Variants in ACACA observed in about 807,000 individuals in gnomAD.
ACACA encodes acetyl-CoA carboxylase alpha.
Under a neutral mutation model 296.1 loss-of-function variants are expected in ACACA, and 103 were observed. The ratio of observed to expected loss-of-function variants is 0.35; its 90% confidence interval spans 0.30 to 0.41. ACACA has a LOEUF of 0.41. Among genes scored for constraint, ACACA ranks in the 10% least tolerant of loss-of-function variants. The probability of loss-of-function intolerance (pLI) is 1.00; values close to 1 mark genes in which losing one functional copy is unlikely to be tolerated. For missense variants in ACACA, 1,554 were observed against 2,989.7 expected, an observed-to-expected ratio of 0.52 and a Z score of 11.20; for synonymous variants, 953 against 1,038.6, an observed-to-expected ratio of 0.92 and a Z score of 1.58.
chr17:37,091,036 A>G (rs1158877776), intron 54 of ACACA, among the ~76,000 whole-genome samples: 1 of 152,226 alleles, frequency 6.6e-6, no homozygotes, highest in Non-Finnish European at 1.5e-5. Flanking sequence ...CTTTTAATTA[A>G]GAAACAGCAT....
At chr17:37,174,010 A>ATTT (rs1373844954) in intron 41 of ACACA, among the ~76,000 whole-genome samples, 1 of 12,194 alleles carries the variant, frequency 8.2e-5, no homozygotes, top group Non-Finnish European at 1.3e-4. Context: ...ATATATATAT[A>ATTT]TATATATATA....
At position 37,330,146 on chromosome 17, in the gene ACACA, T is replaced by G. The variant is rs201910263; in HGVS notation, c.338+27A>C. 9.9e-6 allele frequency: 16 copies of G among 1,613,542 alleles called. No individual in the cohort carries two copies. In the Admixed American group the frequency reaches 2.7e-4, roughly 27 times the overall value. On this transcript the variant is annotated intron_variant, in intron 3 of 55. Transcript: ENST00000616317. ...AGCAAAACTAACAAGACAGATTAAA[T>G]AAGTAGACCATTGAACTCTCTCTTA...
chr17:37,224,384 T>C (rs1049898168), intron 27 of ACACA, among the ~76,000 whole-genome samples: 2 of 152,156 alleles, frequency 1.3e-5, no homozygotes, highest in Non-Finnish European at 2.9e-5. Context: ...GGGCCAGATA[T>C]AACAATGGTA....
chr17:37,374,697 G>A (rs750531159), intron 1 of ACACA, among the ~76,000 whole-genome samples: 53 of 152,186 alleles, frequency 3.5e-4, no homozygotes, highest in Admixed American at 1.0e-3. Flanking sequence ...ACAGTTATCT[G>A]TCTAGGAAAA....
At chr17:37,263,659 T>TA in intron 11 of ACACA, 26 bp downstream of exon 11, 1 of 1,593,092 alleles carries the variant, frequency 6.3e-7, no homozygotes, top group African/African-American at 1.3e-5. Flanking sequence ...TAAGAAAACA[T>TA]AAAGTAAGCC....
intron 1 of ACACA, among the ~76,000 whole-genome samples, chr17:37,366,443 T>C (rs904612568): frequency 6.6e-6 from 1 of 151,896 alleles, no homozygotes; most frequent in Admixed American, 6.6e-5. Context: ...TGTGATATCT[T>C]AGAGCAGAAG....
At chr17:37,211,111 T>C (rs549811507) in intron 29 of ACACA, among the ~76,000 whole-genome samples, 17 of 152,308 alleles carry the variant, frequency 1.1e-4, no homozygotes, top group African/African-American at 3.8e-4. Context: ...AGGTACTGTA[T>C]TCTAGGAGCT....
At chr17:37,230,339 G>A (rs940265578) in intron 25 of ACACA, among the ~76,000 whole-genome samples, 7 of 151,382 alleles carry the variant, frequency 4.6e-5, no homozygotes, top group Middle Eastern at 3.4e-3. Context: ...AGCCAAGATC[G>A]CGCCGTTGCA....
chr17:37,243,253 T>C, intron 22 of ACACA, 118 bp downstream of exon 22: 1 of 1,109,498 alleles, frequency 9.0e-7, no homozygotes, highest in Non-Finnish European at 1.3e-6. Flanking sequence ...AATACAATGC[T>C]TAAAAGTATA....
chr17:37,146,540 G>A (rs1438568660), intron 45 of ACACA, among the ~76,000 whole-genome samples: 1 of 151,874 alleles, frequency 6.6e-6, no homozygotes, highest in Non-Finnish European at 1.5e-5. Context: ...AATCATCCCT[G>A]TGTCCTTCTC....
Position 37,191,262 on chromosome 17 carries a change from T to C in ACACA, c.4430A>G (p.Glu1477Gly). 5 of 1,613,978 alleles carry C rather than the reference T, an allele frequency of 3.1e-6. No individual in the cohort carries two copies. Among genetic ancestry groups the C allele is most frequent in the Non-Finnish European group, 4.2e-6 (5 of 1,179,968 alleles). Reference protein sequence around the residue: ...SDLVTKEASFEYLQNEGERLL... With the variant: ...SDLVTKEASFGYLQNEGERLL... ...CCGCTCCCCTTCATTTTGCAGATAT[T>C]CAAAAGAAGCTTCCTATACAGGAAG... The change falls in exon 38 of 56, where the codon GAA (glutamate) becomes GGA (glycine). Residue 1477 changes from glutamate (E) to glycine (G), a missense_variant. By Grantham distance (98) the Glu-to-Gly change is moderately conservative (BLOSUM62 -2). Coordinates refer to ENST00000616317, the MANE Select transcript of ACACA (RefSeq NM_198834.3).
intron 31 of ACACA, among the ~76,000 whole-genome samples, chr17:37,207,128 T>C (rs1567814005): frequency 6.6e-6 from 1 of 152,190 alleles, no homozygotes; most frequent in Non-Finnish European, 1.5e-5. Flanking sequence ...TCTAAAGCTT[T>C]TTTGTTTGTT....
chr17:37,214,883 AC>A (rs2078914928), intron 29 of ACACA, among the ~76,000 whole-genome samples: 1 of 152,212 alleles, frequency 6.6e-6, no homozygotes, highest in African/African-American at 2.4e-5. Flanking sequence ...AAGTTGGATG[AC>A]TTCTGAGTAT....
chr17:37,087,056 G>A lies in ACACA; in HGVS notation c.*260C>T. 1.7e-6 allele frequency: 1 copy of A among 578,516 alleles called. No individual in the cohort carries two copies. 35.8% of individuals were successfully genotyped at this position (578,516 alleles called of 1,614,324 possible). On this transcript the variant is annotated 3_prime_UTR_variant, in exon 56 of 56. Coordinates refer to ENST00000616317, the MANE Select transcript of ACACA (RefSeq NM_198834.3). ...GTTTGTACCTTTCATTGCCTTCTCA[G>A]TCCTGTGCAGGGAGTGGAGGACTAG...
chr17:37,345,533 T>G (rs1382620080), intron 1 of ACACA, among the ~76,000 whole-genome samples: 3 of 152,120 alleles, frequency 2.0e-5, no homozygotes, highest in Non-Finnish European at 4.4e-5. Context: ...ACCAGATGTC[T>G]GAGAAAAACT....
intron 42 of ACACA, among the ~76,000 whole-genome samples, chr17:37,160,524 C>T (rs933086778): frequency 6.6e-6 from 1 of 152,068 alleles, no homozygotes; most frequent in Non-Finnish European, 1.5e-5. Context: ...GATGTGAAAC[C>T]GTCATCCAGG....
intron 29 of ACACA, among the ~76,000 whole-genome samples, chr17:37,211,464 C>T (rs967750981): frequency 1.4e-4 from 21 of 152,176 alleles, no homozygotes; most frequent in Non-Finnish European, 2.8e-4. Flanking sequence ...CCTTTATTTT[C>T]AATGTTAAAT....
chr17:37,150,116 A>G (rs1159541911), intron 44 of ACACA, 142 bp from the exon 45 acceptor site: 1 of 748,214 alleles, frequency 1.3e-6, no homozygotes, highest in Non-Finnish European at 2.2e-6. Context: ...AACAACACAC[A>G]CACACAAATT....
intron 52 of ACACA, among the ~76,000 whole-genome samples, chr17:37,102,956 C>A (rs188589798): frequency 5.9e-5 from 9 of 152,108 alleles, no homozygotes; most frequent in African/African-American, 1.4e-4. Flanking sequence ...TGGTTCAAGA[C>A]CCACCTCAAA....
Sources: gnomAD v4.1 joint callset for allele counts (sites outside exome capture counted in the v4.1 genomes callset) on GRCh38, gnomAD v4.1.1 for gene constraint, MANE v1.5 for transcripts, NCBI Gene and HGNC (gene_info 2026-07-23, HGNC 2026-07-21) for gene names.